The following HHAT variants were observed in gnomAD, a reference collection of about 807,000 sequenced individuals.
HHAT encodes protein-cysteine N-palmitoyltransferase HHAT.
A neutral mutation model predicts 70.8 loss-of-function variants in HHAT; 47 were observed. The observed-to-expected ratio is 0.66, with a 90% CI of 0.53 to 0.85. HHAT has a LOEUF of 0.85. Ranked by LOEUF, HHAT falls within the 40% of genes least tolerant of loss-of-function variation. The pLI, the probability that HHAT is intolerant of heterozygous loss-of-function variation, is 0.00. For missense variants in HHAT, 609 were observed against 604.8 expected (o/e 1.01, Z -0.07); for synonymous variants, 228 against 247.6 (o/e 0.92, Z 0.74).
chr1:210,671,494 T>C (rs1393912946), intron 11 of HHAT, among the ~76,000 whole-genome samples: 2 of 152,198 alleles, frequency 1.3e-5, no homozygotes, highest in African/African-American at 4.8e-5. Flanking sequence ...GTGACTTCAT[T>C]TGGGAATAGG....
chr1:210,584,919 C>T (rs1177117348), intron 9 of HHAT, among the ~76,000 whole-genome samples: 1 of 152,242 alleles, frequency 6.6e-6, no homozygotes, highest in Non-Finnish European at 1.5e-5. Flanking sequence ...TAAAGACATG[C>T]TCAACAGCAG....
At chr1:210,661,688 T>C (rs1467590034) in intron 11 of HHAT, among the ~76,000 whole-genome samples, 1 of 152,180 alleles carries the variant, frequency 6.6e-6, no homozygotes, top group Non-Finnish European at 1.5e-5. Flanking sequence ...TAAGAAAAGG[T>C]GGCATATGTA....
At chr1:210,502,309 G>A (rs539850050) in intron 8 of HHAT, among the ~76,000 whole-genome samples, 4 of 146,474 alleles carry the variant, frequency 2.7e-5, no homozygotes, top group South Asian at 2.2e-4. Flanking sequence ...GCATGAACCC[G>A]GGAGGCAGAG....
intron 4 of HHAT, among the ~76,000 whole-genome samples, chr1:210,394,622 C>A (rs554648808): frequency 6.4e-4 from 98 of 152,288 alleles, no homozygotes; most frequent in African/African-American, 2.2e-3. Flanking sequence ...CGGGTTCTCA[C>A]TGTGCCTCTG....
chr1:210,369,963 T>G (rs2089392425), intron 3 of HHAT, among the ~76,000 whole-genome samples: 1 of 152,036 alleles, frequency 6.6e-6, no homozygotes, highest in Admixed American at 6.6e-5. Flanking sequence ...GGTCAGTCAT[T>G]GAAGGGTTTC....
At chr1:210,419,138 A>G (rs1252648711) in intron 7 of HHAT, among the ~76,000 whole-genome samples, 1 of 152,168 alleles carries the variant, frequency 6.6e-6, no homozygotes, top group Non-Finnish European at 1.5e-5. Flanking sequence ...CGGTTCCAGC[A>G]CCCTCATCTG....
At chr1:210,451,683 A>T (rs1294725743) in intron 7 of HHAT, among the ~76,000 whole-genome samples, 2 of 152,106 alleles carry the variant, frequency 1.3e-5, no homozygotes, top group African/African-American at 2.4e-5. Flanking sequence ...GGATCAGGTG[A>T]TCCTCCCACC....
chr1:210,354,967 T>G (rs545064017), intron 2 of HHAT, among the ~76,000 whole-genome samples: 1 of 152,286 alleles, frequency 6.6e-6, no homozygotes, highest in Non-Finnish European at 1.5e-5. Flanking sequence ...CAATAATATA[T>G]TTTTTCTTTG....
intron 9 of HHAT, among the ~76,000 whole-genome samples, chr1:210,579,036 C>G (rs1017663357): frequency 3.3e-5 from 5 of 152,152 alleles, no homozygotes; most frequent in Non-Finnish European, 5.9e-5. Flanking sequence ...AGGCCATTAT[C>G]TTTAGCAGAA....
intron 9 of HHAT, among the ~76,000 whole-genome samples, chr1:210,520,880 G>A (rs2095146287): frequency 6.6e-6 from 1 of 152,150 alleles, no homozygotes; most frequent in Non-Finnish European, 1.5e-5. Context: ...CAGAGACCAT[G>A]TGTGAGTTCA....
chr1:210,374,021 A>G (rs2089856770), intron 3 of HHAT: 1 of 152,244 alleles, frequency 6.6e-6, no homozygotes, highest in Non-Finnish European at 1.5e-5. Flanking sequence ...GACCTTTGAC[A>G]TGGAAAACAA....
intron 11 of HHAT, among the ~76,000 whole-genome samples, chr1:210,652,630 C>A (rs1675396517): frequency 6.6e-6 from 1 of 152,216 alleles, no homozygotes; most frequent in Non-Finnish European, 1.5e-5. Flanking sequence ...CTGCAGAACA[C>A]CCTTCAGGCT....
intron 4 of HHAT, among the ~76,000 whole-genome samples, chr1:210,389,939 C>T (rs1030465130): frequency 6.6e-6 from 1 of 152,144 alleles, no homozygotes; most frequent in Non-Finnish European, 1.5e-5. Context: ...CAGCGGTTGT[C>T]CTCTGTAAAA....
At chr1:210,529,117 C>T (rs2095284604) in intron 9 of HHAT, among the ~76,000 whole-genome samples, 1 of 151,954 alleles carries the variant, frequency 6.6e-6, no homozygotes, top group Non-Finnish European at 1.5e-5. Context: ...CCAGCCTAGC[C>T]AAGATAGTGA....
chr1:210,640,528 A>C (rs1381780786), intron 11 of HHAT, among the ~76,000 whole-genome samples: 1 of 151,050 alleles, frequency 6.6e-6, no homozygotes, highest in East Asian at 2.0e-4. Context: ...TCAAGATGCT[A>C]TGTGGACACA....
chr1:210,357,263 T>C (rs762680080), intron 2 of HHAT, among the ~76,000 whole-genome samples: 4 of 151,982 alleles, frequency 2.6e-5, no homozygotes, highest in Non-Finnish European at 4.4e-5. Context: ...CCTCAAAACA[T>C]GGCACCTTGG....
intron 7 of HHAT, among the ~76,000 whole-genome samples, chr1:210,427,263 C>A (rs2093092505): frequency 6.6e-6 from 1 of 151,264 alleles, no homozygotes; most frequent in South Asian, 2.1e-4. Flanking sequence ...TTTTTTAAAC[C>A]AATTCCTGGA....
intron 11 of HHAT, among the ~76,000 whole-genome samples, chr1:210,632,116 T>G (rs1401196217): frequency 6.6e-6 from 1 of 152,150 alleles, no homozygotes; most frequent in Admixed American, 6.5e-5. Flanking sequence ...GAGTATTCTC[T>G]CTAAGGGGAA....
chr1:210,490,470 A>G (rs1198986129), intron 8 of HHAT, among the ~76,000 whole-genome samples: 1 of 152,144 alleles, frequency 6.6e-6, no homozygotes, highest in African/African-American at 2.4e-5. Context: ...TCCTGGGAGA[A>G]TTCTCTAGGG....
Sources: gnomAD v4.1 joint callset for allele counts (sites outside exome capture counted in the v4.1 genomes callset) on GRCh38, gnomAD v4.1.1 for gene constraint, MANE v1.5 for transcripts, NCBI Gene and HGNC (gene_info 2026-07-23, HGNC 2026-07-21) for gene names.